RBFOX1: variants seen among roughly 807,000 people sequenced by gnomAD.
The protein encoded by RBFOX1 is RNA binding protein fox-1 homolog 1.
In RBFOX1, 8 loss-of-function variants were observed where a neutral mutation model predicts 57.7. That is an observed-to-expected ratio of 0.14 (90% CI 0.08 to 0.25). RBFOX1 has a LOEUF of 0.25. Ranked by LOEUF, RBFOX1 falls within the 10% of genes least tolerant of loss-of-function variation. The pLI, the probability that RBFOX1 is intolerant of heterozygous loss-of-function variation, is 1.00. For synonymous variants in RBFOX1, 326 were observed against 222.4 expected, an observed-to-expected ratio of 1.47 and a Z score of -4.15; for missense variants, 611 against 548.5, an observed-to-expected ratio of 1.11 and a Z score of -1.14.
intron 4 of RBFOX1, among the ~76,000 whole-genome samples, chr16:7,407,373 GGTGTGTGTGTGTGT>G (rs77358035): frequency 2.0e-5 from 3 of 149,662 alleles, no homozygotes; most frequent in East Asian, 2.0e-4. Flanking sequence ...GATTTGTATG[GGTGTGTGTGTGTGT>G]GTGTGTGTGT....
chr16:7,062,841 G>GT (rs2054815678), intron 4 of RBFOX1, among the ~76,000 whole-genome samples: 1 of 135,344 alleles, frequency 7.4e-6, no homozygotes, highest in Non-Finnish European at 1.5e-5. Context: ...TTTAACCCTG[G>GT]TTATCCATCT....
chr16:5,800,392 C>T (rs1211233010), intron 3 of RBFOX1, among the ~76,000 whole-genome samples: 1 of 152,108 alleles, frequency 6.6e-6, no homozygotes, highest in African/African-American at 2.4e-5. Context: ...CATCCTGTGA[C>T]CAGGACTTGA....
intron 14 of RBFOX1, among the ~76,000 whole-genome samples, chr16:7,701,447 G>T (rs987871419): frequency 6.6e-6 from 1 of 152,134 alleles, no homozygotes; most frequent in Non-Finnish European, 1.5e-5. Flanking sequence ...TGCATGTGAG[G>T]CATCTAGGTT....
At chr16:6,739,635 G>T (rs1379704302) in intron 3 of RBFOX1, among the ~76,000 whole-genome samples, 1 of 152,144 alleles carries the variant, frequency 6.6e-6, no homozygotes, top group Admixed American at 6.5e-5. Flanking sequence ...CCAGCACTTT[G>T]GGAGGCCGAG....
intron 3 of RBFOX1, among the ~76,000 whole-genome samples, chr16:5,837,070 CCTT>C (rs1483664924): frequency 2.0e-5 from 3 of 152,052 alleles, no homozygotes; most frequent in Non-Finnish European, 1.5e-5. Flanking sequence ...TTTGGAGGTC[CCTT>C]CTTAGGGGAC....
intron 4 of RBFOX1, among the ~76,000 whole-genome samples, chr16:7,342,568 C>G (rs1264246929): frequency 6.6e-6 from 1 of 152,010 alleles, no homozygotes; most frequent in East Asian, 1.9e-4. Flanking sequence ...TCGAGATGCT[C>G]TAGGTTGGGA....
At chr16:5,719,125 C>T (rs2051831577) in intron 3 of RBFOX1, among the ~76,000 whole-genome samples, 1 of 151,798 alleles carries the variant, frequency 6.6e-6, no homozygotes, top group South Asian at 2.1e-4. Flanking sequence ...ACATTTTATC[C>T]ATTAAACGCA....
chr16:6,741,467 C>A (rs1010228514), intron 3 of RBFOX1, among the ~76,000 whole-genome samples: 11 of 152,012 alleles, frequency 7.2e-5, no homozygotes, highest in African/African-American at 2.7e-4. Flanking sequence ...AGTTCGAGAC[C>A]AGCCTGGCTA....
chr16:6,171,345 G>A (rs2096958966), intron 1 of RBFOX1, among the ~76,000 whole-genome samples: 1 of 152,168 alleles, frequency 6.6e-6, no homozygotes, highest in South Asian at 2.1e-4. Context: ...CTATTGTTGA[G>A]CATTTAGGTT....
chr16:6,183,712 A>G (rs1433679432), intron 1 of RBFOX1, among the ~76,000 whole-genome samples: 1 of 152,062 alleles, frequency 6.6e-6, no homozygotes, highest in Non-Finnish European at 1.5e-5. Flanking sequence ...CTGGCTGCAG[A>G]CTTCTTGTCA....
intron 4 of RBFOX1, among the ~76,000 whole-genome samples, chr16:7,249,008 G>A (rs939106740): frequency 1.3e-5 from 2 of 152,180 alleles, no homozygotes; most frequent in African/African-American, 4.8e-5. Flanking sequence ...AAGACTGAGA[G>A]TGGGAGCCAG....
At chr16:6,025,942 A>G (rs778643018) in intron 1 of RBFOX1, among the ~76,000 whole-genome samples, 2 of 152,242 alleles carry the variant, frequency 1.3e-5, no homozygotes, top group South Asian at 2.1e-4. Context: ...AACTCTTCCT[A>G]TGTAGCACAA....
chr16:7,570,393 C>T (rs184184419), intron 5 of RBFOX1, among the ~76,000 whole-genome samples: 1 of 152,294 alleles, frequency 6.6e-6, no homozygotes, highest in Non-Finnish European at 1.5e-5. Context: ...AGAACTTCAA[C>T]ATCTCTAATT....
chr16:6,944,026 A>G (rs1256145942), intron 3 of RBFOX1, among the ~76,000 whole-genome samples: 1 of 152,140 alleles, frequency 6.6e-6, no homozygotes, highest in African/African-American at 2.4e-5. Context: ...ATTTGGCTGA[A>G]GTTTTTATTT....
chr16:5,382,155 A>G (rs1417990374), intron 1 of RBFOX1, among the ~76,000 whole-genome samples: 3 of 152,210 alleles, frequency 2.0e-5, no homozygotes, highest in Non-Finnish European at 4.4e-5. Flanking sequence ...GCTTCACAGA[A>G]ACTTAATATG....
At chr16:6,512,233 A>G (rs1182182701) in intron 2 of RBFOX1, among the ~76,000 whole-genome samples, 3 of 145,352 alleles carry the variant, frequency 2.1e-5, no homozygotes, top group Admixed American at 7.4e-5. Context: ...GCAGTGAACC[A>G]TGATCACACC....
intron 1 of RBFOX1, among the ~76,000 whole-genome samples, chr16:5,455,005 TTCTTTCTTTCTTTCTTTC>T (rs1489991310): frequency 2.7e-5 from 3 of 112,988 alleles, no homozygotes; most frequent in Non-Finnish European, 5.7e-5. Context: ...CTTTCTTTCT[TTCTTTCTTTCTTTCTTTC>T]TCTCTCTCTG....
rs149713417 is a variant in RBFOX1, at chr16:6,878,742, C to G, written c.-15-173315C>G. 1.4e-4 allele frequency among the ~76,000 whole-genome samples: 22 copies of G among 152,152 alleles called. No individual in the cohort carries two copies. The East Asian group carries it at 4.1e-3, about 28-fold the overall frequency. ...GCAAGAAATGGAAACCTGATATATC[C>G]CATGAGAGTTTAAGGACCCTGACAA... On this transcript the variant is annotated intron_variant, in intron 3 of 15. Coordinates refer to ENST00000550418, the MANE Select transcript of RBFOX1 (RefSeq NM_018723.4).
intron 10 of RBFOX1, among the ~76,000 whole-genome samples, chr16:7,610,474 G>T (rs141367963): frequency 1.3e-5 from 2 of 152,086 alleles, no homozygotes; most frequent in East Asian, 3.9e-4. Context: ...AATAAAAGAA[G>T]AGAGGTAACA....
Sources: allele counts gnomAD v4.1 joint callset (sites outside exome capture counted in the v4.1 genomes callset), GRCh38; gene constraint gnomAD v4.1.1; transcripts MANE v1.5; gene names NCBI Gene and HGNC (gene_info 2026-07-23, HGNC 2026-07-21).